The following MYMK variants were observed in gnomAD, a reference collection of about 807,000 sequenced individuals.
MYMK encodes the protein protein myomaker.
Under a neutral mutation model 22.4 loss-of-function variants are expected in MYMK, and 16 were observed. That is an observed-to-expected ratio of 0.72 (90% CI 0.48 to 1.09). The LOEUF (loss-of-function observed/expected upper bound fraction) is 1.09. Among genes scored for constraint, MYMK ranks in the 50% least tolerant of loss-of-function variants. The probability of loss-of-function intolerance (pLI) is 0.00; values close to 1 mark genes in which losing one functional copy is unlikely to be tolerated. For synonymous variants in MYMK, 125 were observed against 127.0 expected, an observed-to-expected ratio of 0.98 and a Z score of 0.11; for missense variants, 250 against 295.6, an observed-to-expected ratio of 0.85 and a Z score of 1.13.
intron 1 of MYMK, among the ~76,000 whole-genome samples, chr9:133,524,446 G>A (rs1844736912): frequency 6.6e-6 from 1 of 152,114 alleles, no homozygotes; most frequent in South Asian, 2.1e-4. Flanking sequence ...CAACTCAATG[G>A]CCCTGCTTCA....
At chr9:133,521,197 T>C (rs1458513887) in intron 1 of MYMK, among the ~76,000 whole-genome samples, 1 of 152,234 alleles carries the variant, frequency 6.6e-6, no homozygotes, top group African/African-American at 2.4e-5. Context: ...CAACTACTTT[T>C]CTACGGAAAA....
In MYMK at chr9:133,518,847, G is replaced by C. The variant is rs113493626; in HGVS notation, c.399+27C>G. ...GAGGTGACGGGCCTCCTGGGTCCCC[G>C]TTCATCGAGGCTCGCGCAGTACGCA... is the stretch of plus-strand genomic sequence containing the variant. On this transcript the variant is annotated intron_variant, in intron 3 of 4. Transcript: ENST00000339996. 3.2e-3 allele frequency: 5,038 copies of C among 1,592,988 alleles called. 133 individuals are homozygous for C. In the African/African-American group the frequency reaches 0.055, roughly 18 times the overall value.
intron 3 of MYMK, among the ~76,000 whole-genome samples, chr9:133,516,787 G>C (rs1844635377): frequency 6.6e-6 from 1 of 152,098 alleles, no homozygotes; most frequent in Admixed American, 6.5e-5. Context: ...GCCTGCCCCA[G>C]GTCACACAGT....
rs375286060 is a variant in MYMK, at chr9:133,514,621, G to A, written c.*15C>T. 41 of 1,610,080 alleles carry A rather than the reference G, an allele frequency of 2.5e-5. No individual in the cohort carries two copies. The highest frequency in any genetic ancestry group is 3.0e-5 in the Non-Finnish European group (35 of 1,177,854). ...CTGGGGAGGGCAGGGGCTCAGAGCC[G>A]GGCTGGGCGCAGCATCAGACACAAG... On this transcript the variant is annotated 3_prime_UTR_variant, in exon 5 of 5. Coordinates refer to ENST00000339996, the MANE Select transcript of MYMK (RefSeq NM_001080483.3).
rs573360969 is a variant in MYMK at position 133,519,154 on chromosome 9, C to G, written c.251-132G>C. The G allele has an allele frequency of 2.0e-5, 23 of 1,139,848 alleles. No individual in the cohort carries two copies. The East Asian group carries it at 3.7e-4, about 18-fold the overall frequency. 70.6% of individuals were successfully genotyped at this position (1,139,848 alleles called of 1,614,324 possible). On this transcript the variant is annotated intron_variant, in intron 2 of 4. Transcript: ENST00000339996. ...TCGGTGTCCCCTCAGCCAGCGAGAC[C>G]CTGAGGCCCAGCCTGGTCATGGAGG...
rs111267825 is a variant in MYMK at position 133,522,346 on chromosome 9, G to A, written c.136-2058C>T. On this transcript the variant is annotated intron_variant, in intron 1 of 4. Transcript: ENST00000339996. Reference sequence around the variant, plus strand: ...GGGGGCTCAGGTGAGTGGCTGTCGGGGGGGGGCCTCCTCTGTTGTGTGGGG... The same window carrying A: ...GGGGGCTCAGGTGAGTGGCTGTCGGAGGGGGGCCTCCTCTGTTGTGTGGGG... Among the ~76,000 whole-genome samples, 670 of 141,484 alleles carry A rather than the reference G, an allele frequency of 4.7e-3. 4 individuals are homozygous for A. Among genetic ancestry groups the A allele is most frequent in the Middle Eastern group, 0.021 (6 of 282 alleles). The allele number at this position is 141,484 out of a possible 152,430, so 92.8% of individuals were successfully genotyped here.
chr9:133,519,597 G>C (rs993109680), intron 2 of MYMK, among the ~76,000 whole-genome samples: 1 of 152,158 alleles, frequency 6.6e-6, no homozygotes, highest in Admixed American at 6.5e-5. Context: ...GAATAGGATC[G>C]AATCTATCCC....
At chr9:133,521,978 G>A (rs557360334) in intron 1 of MYMK, among the ~76,000 whole-genome samples, 21 of 152,238 alleles carry the variant, frequency 1.4e-4, no homozygotes, top group Non-Finnish European at 1.9e-4. Flanking sequence ...CCAGCATAGA[G>A]TGCTTGCTGC....
At chr9:133,517,144 A>T (rs1052846389) in intron 3 of MYMK, among the ~76,000 whole-genome samples, 6 of 152,224 alleles carry the variant, frequency 3.9e-5, no homozygotes, top group Non-Finnish European at 5.9e-5. Flanking sequence ...CCTGGCCAAG[A>T]CCAGCGGGAG....
At chr9:133,524,095 G>A (rs971084783) in intron 1 of MYMK, among the ~76,000 whole-genome samples, 8 of 152,064 alleles carry the variant, frequency 5.3e-5, no homozygotes, top group Non-Finnish European at 7.4e-5. Context: ...GAGAGCCAGA[G>A]AGAGAGCAAG....
chr9:133,517,735 T>C (rs1438511080), intron 3 of MYMK, among the ~76,000 whole-genome samples: 1 of 151,842 alleles, frequency 6.6e-6, no homozygotes, highest in African/African-American at 2.4e-5. Context: ...GTTAAGTTGC[T>C]GAGGCCTCCA....
chr9:133,523,534 G>A (rs1304879624), intron 1 of MYMK, among the ~76,000 whole-genome samples: 9 of 152,162 alleles, frequency 5.9e-5, no homozygotes, highest in Non-Finnish European at 1.5e-5. Context: ...TGGGAGTCCA[G>A]GAGTGAGGGC....
chr9:133,515,916 C>G lies in MYMK; in HGVS notation c.400-309G>C, dbSNP rs559931229. Among the ~76,000 whole-genome samples, 1 of 152,210 alleles carries G rather than the reference C, an allele frequency of 6.6e-6. No individual in the cohort carries two copies. Among genetic ancestry groups the G allele is most frequent in the African/African-American group, 2.4e-5 (1 of 41,458 alleles). On this transcript the variant is annotated intron_variant, in intron 3 of 4. Transcript: ENST00000339996. The surrounding 1 kb of genome is among the most constrained non-coding windows in gnomAD (Gnocchi z 5.8). The stretch of plus-strand genomic sequence containing the variant: ...GTAACAACGCCACCCTCGCATGTCT[C>G]CTCCTCCCTGGAGGGGAGCTCTGGG...
In MYMK at chr9:133,515,180, T is replaced by A. The variant is rs886546863; in HGVS notation, c.516+311A>T. On this transcript the variant is annotated intron_variant, in intron 4 of 4. Coordinates refer to ENST00000339996, the MANE Select transcript of MYMK (RefSeq NM_001080483.3). This position sits in a 1 kb window ranked among gnomAD's most constrained non-coding sequence, Gnocchi z 5.8. ...TCTCCTCCCCTCCCTCCCTCCCTCCTCCAGGTGTTGGGCACCTGCCCCAGG... is the reference window on the plus strand; with the variant it reads ...TCTCCTCCCCTCCCTCCCTCCCTCCACCAGGTGTTGGGCACCTGCCCCAGG... 8.2e-6 allele frequency among the ~76,000 whole-genome samples: 1 copy of A among 121,382 alleles called. No individual in the cohort carries two copies. The highest frequency in any genetic ancestry group is 3.1e-5 in the African/African-American group (1 of 32,346). 79.6% of individuals were successfully genotyped at this position (121,382 alleles called of 152,430 possible).
At chr9:133,520,314 C>G in intron 1 of MYMK, 26 bp from the exon 2 acceptor site, 1 of 1,601,118 alleles carries the variant, frequency 6.2e-7, no homozygotes, top group Non-Finnish European at 8.6e-7. Context: ...CAGGTGGTCA[C>G]AGCACAAAGA....
chr9:133,517,666 C>CAA (rs140245731), intron 3 of MYMK, among the ~76,000 whole-genome samples: 1,291 of 120,556 alleles, frequency 0.011, 36 homozygotes, highest in African/African-American at 0.039. Context: ...AACTCCGTCT[C>CAA]AAAAAAAAAA....
At position 133,515,005 on chromosome 9, in the gene MYMK, T is replaced by C. The variant is rs989002925; in HGVS notation, c.517-220A>G. ...TCCTCCAGGCTGCACTCCTTCCTTC[T>C]TCCCCATCCCCTCTCTCTGCTGTCC... On this transcript the variant is annotated intron_variant, in intron 4 of 4. Coordinates refer to ENST00000339996, the MANE Select transcript of MYMK (RefSeq NM_001080483.3). The surrounding 1 kb of genome is among the most constrained non-coding windows in gnomAD (Gnocchi z 5.8). Among the ~76,000 whole-genome samples, 2 of 151,662 alleles carry C rather than the reference T, an allele frequency of 1.3e-5. No homozygotes were observed. Among genetic ancestry groups the C allele is most frequent in the Non-Finnish European group, 2.9e-5 (2 of 68,000 alleles).
rs1333428420 is a variant in MYMK at position 133,515,082 on chromosome 9, CCT to C, written c.517-299_517-298del. ...CCTACCCTCCCTCCCTCCATCTCCC[CCT>C]CTTTTCTCTCCTTATCCCTCTTCCC... On this transcript the variant is annotated intron_variant, in intron 4 of 4. Coordinates refer to ENST00000339996, the MANE Select transcript of MYMK (RefSeq NM_001080483.3). This position sits in a 1 kb window ranked among gnomAD's most constrained non-coding sequence, Gnocchi z 5.8. 4.6e-5 allele frequency among the ~76,000 whole-genome samples: 7 copies of C among 151,650 alleles called. No homozygotes were observed. Among genetic ancestry groups the C allele is most frequent in the African/African-American group, 1.2e-4 (5 of 41,244 alleles).
chr9:133,520,850 C>T (rs1844695357), intron 1 of MYMK, among the ~76,000 whole-genome samples: 2 of 152,150 alleles, frequency 1.3e-5, no homozygotes, highest in Admixed American at 1.3e-4. Flanking sequence ...CTTGAGTGGG[C>T]ATCAGAACGC....
Sources: allele counts gnomAD v4.1 joint callset (sites outside exome capture counted in the v4.1 genomes callset), GRCh38; gene constraint gnomAD v4.1.1; non-coding constraint Gnocchi (gnomAD v3.1); transcripts MANE v1.5; gene names NCBI Gene and HGNC (gene_info 2026-07-23, HGNC 2026-07-21).